Variants in PKHD1L1 observed in about 807,000 individuals in gnomAD.
PKHD1L1 encodes the protein fibrocystin-L.
PKHD1L1 carries 434 observed loss-of-function variants against 462.9 expected under a neutral mutation model. The ratio of observed to expected loss-of-function variants is 0.94; its 90% CI spans 0.87 to 1.02. The LOEUF (loss-of-function observed/expected upper bound fraction) is 1.02, where lower values mean the gene tolerates loss of function less well. Among genes scored for constraint, PKHD1L1 ranks in the 50% least tolerant of loss-of-function variants. PKHD1L1 has a pLI of 0.00. For missense variants in PKHD1L1, 5,202 were observed against 5,096.1 expected, an observed-to-expected ratio of 1.02 and a Z score of -0.63; for synonymous variants, 1,781 against 1,750.0, an observed-to-expected ratio of 1.02 and a Z score of -0.44.
intron 2 of PKHD1L1, 97 bp downstream of exon 2, chr8:109,364,733 C>T (rs1450805195): frequency 5.9e-5 from 46 of 784,414 alleles, no homozygotes; most frequent in Non-Finnish European, 8.3e-5. Context: ...CAAACAAGCA[C>T]CACTGGAGTT....
chr8:109,391,268 T>C (rs760024604), intron 9 of PKHD1L1, among the ~76,000 whole-genome samples: 11 of 152,182 alleles, frequency 7.2e-5, no homozygotes, highest in Non-Finnish European at 1.5e-4. Context: ...CCTAGGGATT[T>C]TCAGCTAGTA....
intron 59 of PKHD1L1, among the ~76,000 whole-genome samples, chr8:109,488,814 T>C (rs1231329868): frequency 6.6e-6 from 1 of 152,004 alleles, no homozygotes; most frequent in Non-Finnish European, 1.5e-5. Context: ...GGCACTGTGC[T>C]AAGCATTAAA....
At chr8:109,420,812 T>C (rs1264192251) in intron 23 of PKHD1L1, 122 bp downstream of exon 23, 1 of 751,480 alleles carries the variant, frequency 1.3e-6, no homozygotes, top group Non-Finnish European at 1.9e-6. Context: ...TAAGGTTATA[T>C]GAAGATTTGG....
At chr8:109,495,214 T>C (rs1586621653) in intron 63 of PKHD1L1, among the ~76,000 whole-genome samples, 2 of 152,072 alleles carry the variant, frequency 1.3e-5, no homozygotes, top group African/African-American at 2.4e-5. Flanking sequence ...TGATATATGC[T>C]CTTGTTAAAT....
intron 29 of PKHD1L1, among the ~76,000 whole-genome samples, 191 bp from the exon 30 acceptor site, chr8:109,436,147 A>T (rs1167389666): frequency 6.6e-6 from 1 of 152,236 alleles, no homozygotes; most frequent in Non-Finnish European, 1.5e-5. Flanking sequence ...GGTTCTGAGC[A>T]AAAGCACCCA....
intron 50 of PKHD1L1, among the ~76,000 whole-genome samples, chr8:109,473,143 A>C (rs1817807822): frequency 6.6e-6 from 1 of 152,206 alleles, no homozygotes; most frequent in Non-Finnish European, 1.5e-5. Context: ...CAACTTAAAA[A>C]AATGGAAATT....
Position 109,464,856 on chromosome 8 carries a change from T to C in PKHD1L1, c.8024T>C (p.Met2675Thr). ...GGALQFHNFV[M>T]VNNYEAGIET... ...GCCCTTCAGTTCCATAACTTTGTGA[T>C]GGTGAATAACTATGAGGCTGGAATT... The change falls in exon 49 of 78, where the codon ATG becomes ACG. Residue 2675 changes from methionine (M) to threonine (T), a missense_variant. Physicochemically the swap from Met to Thr is moderately conservative, Grantham distance 81. Around this residue, in one of 3 missense-constraint regions of PKHD1L1, gnomAD observed 4,497 missense variants for 4,336.8 expected, o/e 1.04. Transcript: ENST00000378402. 1 of 1,613,822 alleles carries C rather than the reference T, an allele frequency of 6.2e-7. No individual in the cohort carries two copies. The highest frequency in any genetic ancestry group is 1.1e-5 in the South Asian group (1 of 91,082).
chr8:109,401,120 A>G, intron 13 of PKHD1L1, among the ~76,000 whole-genome samples: 1 of 152,146 alleles, frequency 6.6e-6, no homozygotes, highest in Middle Eastern at 3.2e-3. Flanking sequence ...TTGGCAATCT[A>G]ATTTGGATTA....
At position 109,486,738 on chromosome 8, in the gene PKHD1L1, A is replaced by G. The variant is rs769500979; in HGVS notation, c.9797A>G (p.Glu3266Gly). The G allele has an allele frequency of 6.2e-6, 10 of 1,612,394 alleles. No homozygotes were observed. Among genetic ancestry groups the G allele is most frequent in the Non-Finnish European group, 7.6e-6 (9 of 1,178,890 alleles). ...ILSRNIKIVGEDYPGWSEDSF... is the reference protein window; with the variant it reads ...ILSRNIKIVGGDYPGWSEDSF... ...AGTAGGAACATCAAAATAGTTGGTG[A>G]AGATTACCCCGGTTGGTCTGAGGAC... The change falls in exon 59 of 78, where the codon GAA becomes GGA. Residue 3266 changes from glutamate (E) to glycine (G), a missense_variant. By Grantham distance (98) the Glu-to-Gly change is moderately conservative. This residue lies in a region of PKHD1L1 where 4,497 missense variants were observed against 4,336.8 expected (regional missense o/e 1.04). Transcript: ENST00000378402.
intron 76 of PKHD1L1, among the ~76,000 whole-genome samples, chr8:109,523,963 A>G (rs571692106): frequency 1.3e-5 from 2 of 152,176 alleles, no homozygotes; most frequent in Non-Finnish European, 2.9e-5. Flanking sequence ...GATATCTTCA[A>G]CATCGGTGCA....
At chr8:109,491,806 T>C in intron 61 of PKHD1L1, 67 bp from the exon 62 acceptor site, 1 of 1,397,710 alleles carries the variant, frequency 7.2e-7, no homozygotes, top group Non-Finnish European at 9.8e-7. Flanking sequence ...ACATTACTCC[T>C]AATAGTCGTT....
At chr8:109,460,325 G>A (rs6981268) in intron 47 of PKHD1L1, among the ~76,000 whole-genome samples, 2,632 of 152,172 alleles carry the variant, frequency 0.017, 78 homozygotes, top group African/African-American at 0.06. Flanking sequence ...TCCAGAATTT[G>A]CAGTTTATCA....
chr8:109,434,758 C>G (rs1006270929), intron 28 of PKHD1L1, among the ~76,000 whole-genome samples: 1 of 152,150 alleles, frequency 6.6e-6, no homozygotes, highest in East Asian at 1.9e-4. Context: ...CGTGAGCCAC[C>G]GCGCCTGCCC....
At chr8:109,517,664 T>C (rs186356026) in intron 72 of PKHD1L1, among the ~76,000 whole-genome samples, 3 of 152,214 alleles carry the variant, frequency 2.0e-5, no homozygotes, top group African/African-American at 7.2e-5. Context: ...TTCTGAGATG[T>C]TTTAATGTAT....
chr8:109,382,982 A>G (rs1431800950), intron 4 of PKHD1L1, among the ~76,000 whole-genome samples: 1 of 146,428 alleles, frequency 6.8e-6, no homozygotes, highest in Non-Finnish European at 1.5e-5. Context: ...AGCTGCCCTA[A>G]ATAGAAGTAT....
In PKHD1L1 at chr8:109,454,865, A is replaced by G. The variant is rs779177440; in HGVS notation, c.6874+13A>G. 1.9e-6 allele frequency: 3 copies of G among 1,610,076 alleles called. No homozygotes were observed. In the East Asian group the frequency reaches 6.7e-5, roughly 36 times the overall value. The stretch of plus-strand genomic sequence containing the variant: ...CTGGATCTGCACGGTACTGTGGCCA[A>G]GTGGCTAAGGGAGTTGGTAGAGGAA... On this transcript the variant is annotated intron_variant, in intron 45 of 77. Coordinates refer to ENST00000378402, the MANE Select transcript of PKHD1L1 (RefSeq NM_177531.6).
At position 109,404,642 on chromosome 8, in the gene PKHD1L1, CAACA is replaced by C; in HGVS notation, c.1467_1470del (p.Thr490GlufsTer4). 1 of 1,608,064 alleles carries C rather than the reference CAACA, an allele frequency of 6.2e-7. No homozygotes were observed. The highest frequency in any genetic ancestry group is 8.5e-7 in the Non-Finnish European group (1 of 1,176,848). On this transcript the variant is annotated frameshift_variant, in exon 15 of 78. Transcript: ENST00000378402. LOFTEE classifies it high-confidence loss of function. The stretch of plus-strand genomic sequence containing the variant: ...CCAGTATCGAAATGTTTATACTGAA[CAACA>C]AACAGGAGATGCAGTGAATGAAGAA...
At chr8:109,486,953 T>A in intron 59 of PKHD1L1, 132 bp downstream of exon 59, 1 of 917,110 alleles carries the variant, frequency 1.1e-6, no homozygotes, top group Non-Finnish European at 1.6e-6. Context: ...AGTGATTATG[T>A]AGCCCAGTTT....
chr8:109,421,414 T>C (rs544066134), intron 23 of PKHD1L1, among the ~76,000 whole-genome samples: 1 of 152,288 alleles, frequency 6.6e-6, no homozygotes, highest in South Asian at 2.1e-4. Context: ...CCTGGCCCAA[T>C]GTTTTAGTCT....
Sources: gnomAD v4.1 joint callset for allele counts (sites outside exome capture counted in the v4.1 genomes callset) on GRCh38, gnomAD v4.1.1 for gene constraint, gnomAD v4.1.1 regional missense constraint, MANE v1.5 for transcripts, NCBI Gene and HGNC (gene_info 2026-07-23, HGNC 2026-07-21) for gene names.